DDX39B: variants seen among roughly 807,000 people sequenced by gnomAD.
DDX39B encodes DExD-box helicase 39B, also known as spliceosome RNA helicase DDX39B.
A neutral mutation model predicts 46.4 loss-of-function variants in DDX39B; 6 were observed. The observed-to-expected ratio is 0.13, with a 90% CI of 0.07 to 0.26. DDX39B has a LOEUF of 0.26. Ranked by LOEUF, DDX39B falls within the 10% of genes least tolerant of loss-of-function variation. The pLI is 1.00. For synonymous variants in DDX39B, 174 were observed against 199.4 expected (o/e 0.87, Z 1.07); for missense variants, 185 against 553.4 (o/e 0.33, Z 6.68).
rs1767128803 is a variant in DDX39B, at chr6:31,531,286, T to G, written c.977+10A>C. ...AAGGACACAAAATATCTTTCCCATC[T>G]TCAGCTCACCTCTCCTCCTGGGGCA... On this transcript the variant is annotated intron_variant, in intron 8 of 10. Coordinates refer to ENST00000396172, the MANE Select transcript of DDX39B (RefSeq NM_004640.7). The surrounding 1 kb of genome is among the most constrained non-coding windows in gnomAD (Gnocchi z 5.8). The G allele has an allele frequency of 5.6e-6, 9 of 1,614,184 alleles. No individual in the cohort carries two copies. Among genetic ancestry groups the G allele is most frequent in the Non-Finnish European group, 6.8e-6 (8 of 1,180,040 alleles).
At chr6:31,537,178 C>A (rs922720492) in intron 4 of DDX39B, among the ~76,000 whole-genome samples, 1 of 152,096 alleles carries the variant, frequency 6.6e-6, no homozygotes, top group Non-Finnish European at 1.5e-5. Context: ...GTAATCCCAG[C>A]AGTTTGGGAG....
At chr6:31,540,933 T>C in intron 1 of DDX39B, 1 of 408,742 alleles carries the variant, frequency 2.4e-6, no homozygotes, top group Non-Finnish European at 4.7e-6. Context: ...TATAAATTCT[T>C]GATCTGAAAG....
intron 6 of DDX39B, 171 bp from the exon 7 acceptor site, chr6:31,533,082 T>G: frequency 1.8e-6 from 1 of 562,022 alleles, no homozygotes; most frequent in Non-Finnish European, 3.2e-6. Context: ...CTGTGGTCTC[T>G]CTCACATTAC....
intron 1 of DDX39B, chr6:31,541,601 G>T (rs1451387870): frequency 2.1e-6 from 1 of 473,556 alleles, no homozygotes; most frequent in East Asian, 6.9e-5. Flanking sequence ...AAAGGACAAG[G>T]AAGGTGAGAA....
chr6:31,537,773 C>T (rs1767947372), intron 4 of DDX39B, among the ~76,000 whole-genome samples: 1 of 152,130 alleles, frequency 6.6e-6, no homozygotes, highest in South Asian at 2.1e-4. Context: ...CAGTGGCTCA[C>T]TCCTGTAATC....
chr6:31,541,246 G>A (rs2150347528), intron 1 of DDX39B: 2 of 531,286 alleles, frequency 3.8e-6, no homozygotes. Context: ...GTTTAAGCAA[G>A]CCTTGTGTAA....
In DDX39B at chr6:31,534,578, C is replaced by T; in HGVS notation, c.735+789G>A. On this transcript the variant is annotated intron_variant, in intron 6 of 10. Transcript: ENST00000396172. The surrounding 1 kb of genome is among the most constrained non-coding windows in gnomAD (Gnocchi z 5.1). ...CCACCCCATTCAGGACACCCCTCCC[C>T]AACACATATTGGGGGAAACGGGGCA... 1 of 456,728 alleles carries T rather than the reference C, an allele frequency of 2.2e-6. No individual in the cohort carries two copies. 28.3% of individuals were successfully genotyped at this position (456,728 alleles called of 1,614,324 possible).
In DDX39B at chr6:31,531,029, AT is replaced by A. The variant is rs767519948; in HGVS notation, c.1122+23del. ...GAAAACAAGGGAATGGGAGAGTGGG[AT>A]TTTTTCAGCCTGTGAGGTTTACCCG... is the stretch of plus-strand genomic sequence containing the variant. On this transcript the variant is annotated intron_variant, in intron 9 of 10. Transcript: ENST00000396172. The surrounding 1 kb of genome is among the most constrained non-coding windows in gnomAD (Gnocchi z 5.8). 1.2e-6 allele frequency: 2 copies of A among 1,613,692 alleles called. No homozygotes were observed. The highest frequency in any genetic ancestry group is 1.7e-6 in the Non-Finnish European group (2 of 1,179,856).
intron 1 of DDX39B, chr6:31,541,015 G>A (rs1056096554): frequency 2.6e-5 from 12 of 458,538 alleles, no homozygotes; most frequent in South Asian, 4.8e-5. Context: ...GGAAAATGGA[G>A]ATGACAAGTA....
chr6:31,541,079 C>T (rs776623598), intron 1 of DDX39B: 4 of 531,000 alleles, frequency 7.5e-6, no homozygotes, highest in Non-Finnish European at 1.5e-5. Context: ...ATAATCCCAC[C>T]GTTATGGATG....
intron 4 of DDX39B, among the ~76,000 whole-genome samples, 191 bp from the exon 5 acceptor site, chr6:31,536,874 T>C (rs1562417274): frequency 1.3e-5 from 2 of 152,214 alleles, no homozygotes; most frequent in Non-Finnish European, 1.5e-5. Context: ...TAAAGTTACA[T>C]GGCTAGTCGG....
chr6:31,539,736 G>A (rs1015735599), intron 2 of DDX39B, among the ~76,000 whole-genome samples: 14 of 152,160 alleles, frequency 9.2e-5, no homozygotes, highest in African/African-American at 2.9e-4. Flanking sequence ...AGTCATAGAG[G>A]TTTCCAGAGA....
At position 31,536,456 on chromosome 6, in the gene DDX39B, G is replaced by A. The variant is rs527269585; in HGVS notation, c.616+44C>T. On this transcript the variant is annotated intron_variant, in intron 5 of 10. Transcript: ENST00000396172. ...CAAATAAACATCATTTGGCTCCAAA[G>A]AACAACTCCCCAGCATTAGCCAAGC... 1.9e-6 allele frequency: 3 copies of A among 1,612,222 alleles called. No individual in the cohort carries two copies. In the South Asian group the frequency reaches 3.3e-5, roughly 18 times the overall value.
intron 1 of DDX39B, 51 bp downstream of exon 1, chr6:31,541,899 G>C (rs1353967055): frequency 1.6e-6 from 1 of 634,302 alleles, no homozygotes; most frequent in African/African-American, 1.8e-5. Context: ...TGACGGGATG[G>C]GTGCGGAGAA....
Position 31,534,301 on chromosome 6 carries a change from G to A in DDX39B, c.735+1066C>T. ...AGGTGAGCCACCAGGCCCAGCCAAGGCAGGCTTTCTAAAGAGAAGTTCCAT... is the reference window on the plus strand; with the variant it reads ...AGGTGAGCCACCAGGCCCAGCCAAGACAGGCTTTCTAAAGAGAAGTTCCAT... On this transcript the variant is annotated intron_variant, in intron 6 of 10. Coordinates refer to ENST00000396172, the MANE Select transcript of DDX39B (RefSeq NM_004640.7). This position sits in a 1 kb window ranked among gnomAD's most constrained non-coding sequence, Gnocchi z 5.1. The A allele has an allele frequency of 6.3e-6, 2 of 317,180 alleles. No individual in the cohort carries two copies. The highest frequency in any genetic ancestry group is 2.8e-5 in the South Asian group (1 of 35,424). The allele number at this position is 317,180 out of a possible 1,614,324, so 19.6% of individuals were successfully genotyped here.
chr6:31,531,378 G>A lies in DDX39B; in HGVS notation c.895C>T (p.Arg299Trp). The change falls in exon 8 of 11, where the codon CGG becomes TGG. Residue 299 changes from arginine (R) to tryptophan (W), a missense_variant. Arg to Trp is a moderately radical substitution (Grantham distance 101). Around this residue, in one of 5 missense-constraint regions of DDX39B, gnomAD observed 110 missense variants for 282.2 expected, o/e 0.39. Transcript: ENST00000396172. The surrounding 1 kb of genome is among the most constrained non-coding windows in gnomAD (Gnocchi z 5.8). ...AGTAGCTGGGCCAAGGCAATGCACC[G>A]CTGCACAGACTTCACAAAGATCACC... Reference protein sequence around the residue: ...QVVIFVKSVQRCIALAQLLVE... With the variant: ...QVVIFVKSVQWCIALAQLLVE... 1 of 1,614,112 alleles carries A rather than the reference G, an allele frequency of 6.2e-7. No homozygotes were observed.
rs1177745785 is a variant in DDX39B at position 31,530,867 on chromosome 6, C to T, written c.1182G>A (p.Glu394=). 6.2e-7 allele frequency: 1 copy of T among 1,614,138 alleles called. No individual in the cohort carries two copies. Among genetic ancestry groups the T allele is most frequent in the Admixed American group, 1.7e-5 (1 of 60,024 alleles). Residue 394 remains glutamate (E), a synonymous_variant, in exon 10 of 11, where the codon GAG becomes GAA. Coordinates refer to ENST00000396172, the MANE Select transcript of DDX39B (RefSeq NM_004640.7). The surrounding 1 kb of genome is among the most constrained non-coding windows in gnomAD (Gnocchi z 4.5). ...CATCATTGAGGATCTTGGCATCATT[C>T]TCATCGGACACAAATGTGATAGCCA... The part of the protein sequence containing the change: ...KGLAITFVSD[E]NDAKILNDVQ...
chr6:31,541,958 G>T lies in DDX39B; in HGVS notation c.-141C>A, dbSNP rs986150393. 6.0e-6 allele frequency: 4 copies of T among 671,586 alleles called. No homozygotes were observed. Among genetic ancestry groups the T allele is most frequent in the East Asian group, 2.7e-5 (1 of 36,598 alleles). The allele number at this position is 671,586 out of a possible 1,614,324, so 41.6% of individuals were successfully genotyped here. A position where few individuals can be genotyped will look rare whatever the true frequency, so the allele number is the denominator to read the frequency against. ...CGAAGGCCAAAGCTTACCTAAACAG[G>T]GAGAGCGCGTATGGCGGCAGCAACA... On this transcript the variant is annotated 5_prime_UTR_variant, in exon 1 of 11. Transcript: ENST00000396172.
chr6:31,541,274 G>A lies in DDX39B; in HGVS notation c.-132-610C>T, dbSNP rs151223084. 2.6e-3 allele frequency: 1,355 copies of A among 522,326 alleles called. 10 individuals carry two copies. Among genetic ancestry groups the A allele is most frequent in the South Asian group, 8.5e-3 (603 of 70,930 alleles). The allele number at this position is 522,326 out of a possible 1,614,324, so 32.4% of individuals were successfully genotyped here. The stretch of plus-strand genomic sequence containing the variant: ...TTGTGTAATTAGCATGGGGGGGAGG[G>A]GCGGTGCAAGACAAATGGCTCGGCC... On this transcript the variant is annotated intron_variant, in intron 1 of 10. Transcript: ENST00000396172.
Sources: allele counts gnomAD v4.1 joint callset (sites outside exome capture counted in the v4.1 genomes callset), GRCh38; gene constraint gnomAD v4.1.1; regional missense constraint gnomAD v4.1.1; non-coding constraint Gnocchi (gnomAD v3.1); transcripts MANE v1.5; gene names NCBI Gene and HGNC (gene_info 2026-07-23, HGNC 2026-07-21).